The following STARD8 variants were observed in gnomAD, a reference collection of about 807,000 sequenced individuals.
STARD8 encodes the protein stAR-related lipid transfer protein 8.
A neutral mutation model predicts 69.4 loss-of-function variants in STARD8; 25 were observed. The ratio of observed to expected loss-of-function variants is 0.36; its 90% CI spans 0.26 to 0.50. The LOEUF (loss-of-function observed/expected upper bound fraction) is 0.50, where lower values mean the gene tolerates loss of function less well. Among genes scored for constraint, STARD8 ranks in the 20% least tolerant of loss-of-function variants. The probability of loss-of-function intolerance (pLI) is 0.96; values close to 1 mark genes in which losing one functional copy is unlikely to be tolerated. For missense variants in STARD8, 921 were observed against 932.5 expected, an observed-to-expected ratio of 0.99 and a Z score of 0.16; for synonymous variants, 389 against 374.6, an observed-to-expected ratio of 1.04 and a Z score of -0.45.
chrX:68,681,667 CAG>C (rs758429550), intron 2 of STARD8, among the ~76,000 whole-genome samples: 13 of 112,524 alleles, frequency 1.2e-4, no homozygotes, highest in Non-Finnish European at 2.4e-4. Context: ...GAAGGGGAAA[CAG>C]AGAAGCCAAT....
intron 2 of STARD8, among the ~76,000 whole-genome samples, chrX:68,677,638 G>A (rs1379103875): frequency 9.0e-6 from 1 of 111,553 alleles, no homozygotes; most frequent in Non-Finnish European, 1.9e-5. Context: ...CCAGCTGAGA[G>A]GACCATTTTT....
In STARD8 at chrX:68,717,848, C is replaced by T. The variant is rs781239484; in HGVS notation, c.934C>T (p.Arg312Cys). The T allele has an allele frequency of 1.3e-5, 16 of 1,210,239 alleles. No individual in the cohort carries two copies. Among genetic ancestry groups the T allele is most frequent in the Middle Eastern group, 2.3e-4 (1 of 4,353 alleles). The stretch of plus-strand genomic sequence containing the variant: ...GGACCACAAACCAGGCACATTCCCT[C>T]GCTCCCTGTCCATTGAGAGCCTGTG... ...PGDHKPGTFP[R>C]SLSIESLCPE... The change falls in exon 6 of 15, where the codon CGC becomes TGC. Residue 312 changes from arginine (R) to cysteine (C), a missense_variant. Transcript: ENST00000374599.
At chrX:68,692,482 A>T (rs772552929) in intron 2 of STARD8, among the ~76,000 whole-genome samples, 3 of 112,058 alleles carry the variant, frequency 2.7e-5, no homozygotes, top group Admixed American at 9.4e-5. Context: ...GACCTTGATA[A>T]AGTTGCTGCC....
At chrX:68,708,435 A>T (rs1243575201) in intron 2 of STARD8, among the ~76,000 whole-genome samples, 1 of 112,439 alleles carries the variant, frequency 8.9e-6, no homozygotes, top group Admixed American at 9.4e-5. Flanking sequence ...CAGCATAGAA[A>T]ACTGCTCTGT....
intron 2 of STARD8, among the ~76,000 whole-genome samples, chrX:68,671,953 AT>A (rs762610388): frequency 8.9e-6 from 1 of 111,788 alleles, no homozygotes; most frequent in East Asian, 2.8e-4. Context: ...TGAACATTTC[AT>A]TTGGAGACTG....
intron 2 of STARD8, 113 bp downstream of exon 2, chrX:68,665,645 C>G (rs1602549907): frequency 1.2e-6 from 1 of 818,694 alleles, no homozygotes; most frequent in East Asian, 3.5e-5. Context: ...GGCCGAGATG[C>G]AAAAGCCGGA....
intron 2 of STARD8, among the ~76,000 whole-genome samples, chrX:68,676,377 T>C (rs1237483890): frequency 8.9e-6 from 1 of 112,024 alleles, no homozygotes; most frequent in African/African-American, 3.3e-5. Context: ...CCTCACAAGA[T>C]AAAATGAGGA....
chrX:68,678,664 G>A lies in STARD8; in HGVS notation c.79+13132G>A, dbSNP rs2079782217. On this transcript the variant is annotated intron_variant, in intron 2 of 14. Coordinates refer to ENST00000374599, the MANE Select transcript of STARD8 (RefSeq NM_001142503.3). ...TGGCACACCAACACAAGGGCACTGT[G>A]CAGCCTGGCCTGGCTGCCAGAGCAG... Among the ~76,000 whole-genome samples, 8 of 111,974 alleles carry A rather than the reference G, an allele frequency of 7.1e-5. No homozygotes were observed. The Admixed American group carries it at 7.5e-4, about 11-fold the overall frequency.
At chrX:68,654,382 C>T (rs773191008) in intron 1 of STARD8, among the ~76,000 whole-genome samples, 1 of 111,800 alleles carries the variant, frequency 8.9e-6, no homozygotes, top group Non-Finnish European at 1.9e-5. Flanking sequence ...GTTAACAACC[C>T]TGCCGTACCT....
chrX:68,680,191 G>A (rs1202360506), intron 2 of STARD8, among the ~76,000 whole-genome samples: 5 of 111,841 alleles, frequency 4.5e-5, no homozygotes, highest in African/African-American at 3.3e-5. Context: ...CTCAGGCTCC[G>A]TGCAAGCCTT....
intron 1 of STARD8, among the ~76,000 whole-genome samples, chrX:68,662,216 T>A (rs909014699): frequency 9.2e-6 from 1 of 108,488 alleles, no homozygotes; most frequent in Admixed American, 1.0e-4. Flanking sequence ...TCTATGTTGG[T>A]CAGGCTGGTC....
intron 2 of STARD8, among the ~76,000 whole-genome samples, chrX:68,667,568 A>C (rs904029365): frequency 4.4e-4 from 49 of 111,245 alleles, no homozygotes; most frequent in Non-Finnish European, 7.7e-4. Context: ...GTCTCTTCTC[A>C]CCCCAAGTCC....
chrX:68,715,045 T>TATCTCCCATGGACCTGCC (rs1284426029), intron 3 of STARD8, among the ~76,000 whole-genome samples: 7 of 110,940 alleles, frequency 6.3e-5, no homozygotes, highest in African/African-American at 2.0e-4. Context: ...TTGGGCCTGC[T>TATCTCCCATGGACCTGCC]ATCTCCCATG....
chrX:68,668,111 T>TTCTTTCTTTCTG (rs1556021541), intron 2 of STARD8, among the ~76,000 whole-genome samples: 4 of 96,861 alleles, frequency 4.1e-5, no homozygotes, highest in East Asian at 3.4e-4. Flanking sequence ...CTTTCTTTCT[T>TTCTTTCTTTCTG]TCTGTCTTTC....
chrX:68,679,421 A>G (rs968693224), intron 2 of STARD8, among the ~76,000 whole-genome samples: 1 of 111,621 alleles, frequency 9.0e-6, no homozygotes, highest in African/African-American at 3.3e-5. Context: ...TCAGATAAAG[A>G]CATTGTAACT....
Position 68,718,375 on chromosome X carries a change from A to G in STARD8, c.1461A>G (p.Pro487=), listed in dbSNP as rs748462309. 4.2e-6 allele frequency: 5 copies of G among 1,203,669 alleles called. No homozygotes were observed. Among genetic ancestry groups the G allele is most frequent in the East Asian group, 3.0e-5 (1 of 33,452 alleles). The change falls in exon 6 of 15, where the codon CCA becomes CCG. Residue 487 remains proline, a synonymous_variant. Coordinates refer to ENST00000374599, the MANE Select transcript of STARD8 (RefSeq NM_001142503.3). ...VAQEEAEAPA[P]APAPAPAQDS... is the part of the protein sequence containing the mutation. ...AGGAAGAGGCTGAGGCCCCGGCCCC[A>G]GCCCCGGCCCCGGCCCCAGCCCAGG...
At chrX:68,683,681 A>C (rs1350981588) in intron 2 of STARD8, among the ~76,000 whole-genome samples, 1 of 112,809 alleles carries the variant, frequency 8.9e-6, no homozygotes, top group Non-Finnish European at 1.9e-5. Flanking sequence ...TGTTTAAGAT[A>C]AAAGCTGGAC....
At chrX:68,674,123 G>A (rs1037200126) in intron 2 of STARD8, among the ~76,000 whole-genome samples, 40 of 110,068 alleles carry the variant, frequency 3.6e-4, no homozygotes, top group Non-Finnish European at 3.4e-4. Flanking sequence ...GTGAAACCCC[G>A]TCTCTACTAA....
intron 3 of STARD8, among the ~76,000 whole-genome samples, chrX:68,714,185 A>G (rs1005204691): frequency 8.9e-6 from 1 of 111,764 alleles, no homozygotes; most frequent in Admixed American, 9.5e-5. Flanking sequence ...CATAGGTCTG[A>G]CTGTCACTCC....
Sources: gnomAD v4.1 joint callset for allele counts (sites outside exome capture counted in the v4.1 genomes callset) on GRCh38, gnomAD v4.1.1 for gene constraint, MANE v1.5 for transcripts, NCBI Gene and HGNC (gene_info 2026-07-23, HGNC 2026-07-21) for gene names.